TMEM87A: variants seen among roughly 807,000 people sequenced by gnomAD.
TMEM87A encodes the protein Golgi-pH regulating cation channel.
In TMEM87A, 50 loss-of-function variants were observed where a neutral mutation model predicts 90.0. The observed-to-expected ratio is 0.56, with a 90% CI of 0.44 to 0.70. The LOEUF (loss-of-function observed/expected upper bound fraction) is 0.70, where lower values mean the gene tolerates loss of function less well. Ranked by LOEUF, TMEM87A falls within the 30% of genes least tolerant of loss-of-function variation. The pLI is 0.00. For missense variants in TMEM87A, 577 were observed against 660.5 expected, an observed-to-expected ratio of 0.87 and a Z score of 1.39; for synonymous variants, 226 against 226.7, an observed-to-expected ratio of 1.00 and a Z score of 0.03.
chr15:42,248,092 T>C (rs1478238133), intron 6 of TMEM87A, among the ~76,000 whole-genome samples: 2 of 152,138 alleles, frequency 1.3e-5, no homozygotes, highest in Non-Finnish European at 2.9e-5. Flanking sequence ...TTGTTTGTTA[T>C]TGGCGTACAG....
Position 42,218,015 on chromosome 15 carries a change from G to GAA in TMEM87A, c.1596-184_1596-183dup, listed in dbSNP as rs72216306. The GAA allele has an allele frequency of 5.2e-3, 3,392 of 652,438 alleles. 80 individuals carry two copies. In the African/African-American group the frequency reaches 0.058, roughly 11 times the overall value. The allele number at this position is 652,438 out of a possible 1,614,324, so 40.4% of individuals were successfully genotyped here. A position where few individuals can be genotyped will look rare whatever the true frequency, so the allele number is the denominator to read the frequency against. On this transcript the variant is annotated intron_variant, in intron 18 of 19. Coordinates refer to ENST00000389834, the MANE Select transcript of TMEM87A (RefSeq NM_015497.5). ...AAGCAACAGTTACAGAAATTGTATA[G>GAA]AAAAAAAACGTATTTTGCAATGCAA...
intron 6 of TMEM87A, among the ~76,000 whole-genome samples, chr15:42,254,916 T>C (rs1262878207): frequency 6.6e-6 from 1 of 151,666 alleles, no homozygotes; most frequent in African/African-American, 2.4e-5. Context: ...ATGTTGACGA[T>C]GGGGGAGGCT....
At chr15:42,240,962 T>C (rs147811505) in intron 7 of TMEM87A, among the ~76,000 whole-genome samples, 49 of 152,378 alleles carry the variant, frequency 3.2e-4, no homozygotes, top group Middle Eastern at 3.4e-3. Context: ...CAGCAAAATA[T>C]AGCACATGGG....
chr15:42,259,699 A>G (rs1205587253), intron 6 of TMEM87A, among the ~76,000 whole-genome samples: 1 of 152,192 alleles, frequency 6.6e-6, no homozygotes, highest in African/African-American at 2.4e-5. Flanking sequence ...CTAGAAGGCC[A>G]TATGTGCAGG....
chr15:42,258,649 A>T (rs1401629206), intron 6 of TMEM87A: 35 of 973,360 alleles, frequency 3.6e-5, no homozygotes, highest in Non-Finnish European at 4.5e-5. Flanking sequence ...CTGGTCTCGA[A>T]CTCCCAACCT....
intron 19 of TMEM87A, among the ~76,000 whole-genome samples, chr15:42,217,143 G>A (rs999123503): frequency 1.3e-5 from 2 of 151,776 alleles, no homozygotes; most frequent in Non-Finnish European, 2.9e-5. Flanking sequence ...TTGTAGAGAT[G>A]GGGTTTCACC....
chr15:42,236,802 T>C (rs2050779318), intron 9 of TMEM87A, among the ~76,000 whole-genome samples: 1 of 152,244 alleles, frequency 6.6e-6, no homozygotes, highest in African/African-American at 2.4e-5. Flanking sequence ...CTTGTTGGCA[T>C]GTACAGCTTA....
chr15:42,264,699 A>ATATATTTTTT (rs10681614), intron 3 of TMEM87A, among the ~76,000 whole-genome samples: 4 of 109,424 alleles, frequency 3.7e-5, no homozygotes, highest in East Asian at 5.8e-4. Context: ...ATATATATAT[A>ATATATTTTTT]TTTTTTTTTT....
intron 15 of TMEM87A, among the ~76,000 whole-genome samples, chr15:42,223,340 C>T (rs2050531163): frequency 1.3e-5 from 2 of 152,054 alleles, no homozygotes; most frequent in Non-Finnish European, 2.9e-5. Flanking sequence ...TTGTAGTGGG[C>T]CAAGGTTGCT....
chr15:42,268,764 A>G (rs1391219740), intron 2 of TMEM87A, among the ~76,000 whole-genome samples: 1 of 152,236 alleles, frequency 6.6e-6, no homozygotes, highest in East Asian at 1.9e-4. Flanking sequence ...AGTGGAAACA[A>G]ATTATTAAGA....
At chr15:42,269,845 A>T in intron 2 of TMEM87A, among the ~76,000 whole-genome samples, 1 of 135,954 alleles carries the variant, frequency 7.4e-6, no homozygotes, top group African/African-American at 2.7e-5. Flanking sequence ...CTGAGGCAGG[A>T]GAATGGCGTG....
intron 10 of TMEM87A, among the ~76,000 whole-genome samples, chr15:42,235,229 G>C (rs1038258786): frequency 2.6e-5 from 4 of 152,134 alleles, no homozygotes; most frequent in African/African-American, 7.2e-5. Flanking sequence ...AGCAGACACA[G>C]GGTTTCACTG....
intron 1 of TMEM87A, 158 bp downstream of exon 1, chr15:42,273,097 T>G: frequency 1.1e-6 from 1 of 881,674 alleles, no homozygotes; most frequent in Admixed American, 2.3e-5. Flanking sequence ...GGCTTTCCAC[T>G]CCAGGGAGGT....
intron 4 of TMEM87A, 150 bp downstream of exon 4, chr15:42,263,940 A>G (rs1566941370): frequency 5.0e-6 from 3 of 604,428 alleles, no homozygotes; most frequent in South Asian, 4.2e-5. Context: ...ATGAGTATGT[A>G]TAAGTGGCTG....
At chr15:42,220,263 A>G in intron 15 of TMEM87A, 128 bp from the exon 16 acceptor site, 1 of 669,728 alleles carries the variant, frequency 1.5e-6, no homozygotes. Context: ...TTTAATAATA[A>G]TATTTCTTCC....
At chr15:42,220,037 A>G (rs1341485277) in intron 16 of TMEM87A, 25 bp downstream of exon 16, 1 of 1,554,802 alleles carries the variant, frequency 6.4e-7, no homozygotes, top group South Asian at 1.2e-5. Flanking sequence ...TTAAAGTACT[A>G]ATAAGAGGTG....
rs112013178 is a variant in TMEM87A at position 42,268,753 on chromosome 15, G to A, written c.206-721C>T. 9.4e-4 allele frequency among the ~76,000 whole-genome samples: 143 copies of A among 152,248 alleles called. 2 individuals are homozygous for A. The highest frequency in any genetic ancestry group is 3.0e-3 in the African/African-American group (124 of 41,550). Reference sequence around the variant, plus strand: ...ACACTGTTAGGCTAAAGAGGGAAACGAGTGGAAACAAATTATTAAGACCCT... The same window carrying A: ...ACACTGTTAGGCTAAAGAGGGAAACAAGTGGAAACAAATTATTAAGACCCT... On this transcript the variant is annotated intron_variant, in intron 2 of 19. Transcript: ENST00000389834.
chr15:42,248,397 CAGT>C (rs1012422578), intron 6 of TMEM87A, among the ~76,000 whole-genome samples: 8 of 152,152 alleles, frequency 5.3e-5, no homozygotes, highest in African/African-American at 1.9e-4. Context: ...TTTGCCCATT[CAGT>C]ATGATATTGG....
Position 42,247,174 on chromosome 15 carries a change from G to A in TMEM87A, c.505-3007C>T, listed in dbSNP as rs375666964. 2.0e-4 allele frequency among the ~76,000 whole-genome samples: 30 copies of A among 152,228 alleles called. No homozygotes were observed. In the East Asian group the frequency reaches 4.2e-3, roughly 22 times the overall value. ...TCTTGTAAATTTGTTTAAGTTCTTCGTAGATTCTGGATATTAGCCCTTTGT... is the reference window on the plus strand; with the variant it reads ...TCTTGTAAATTTGTTTAAGTTCTTCATAGATTCTGGATATTAGCCCTTTGT... On this transcript the variant is annotated intron_variant, in intron 6 of 19. Coordinates refer to ENST00000389834, the MANE Select transcript of TMEM87A (RefSeq NM_015497.5).
Sources: allele counts gnomAD v4.1 joint callset (sites outside exome capture counted in the v4.1 genomes callset), GRCh38; gene constraint gnomAD v4.1.1; transcripts MANE v1.5; gene names NCBI Gene and HGNC (gene_info 2026-07-23, HGNC 2026-07-21).